The following MRI1 variants were observed in gnomAD, a reference collection of about 807,000 sequenced individuals.
MRI1 encodes methylthioribose-1-phosphate isomerase.
In MRI1, 32 loss-of-function variants were observed where a neutral mutation model predicts 27.3. The observed-to-expected ratio is 1.17, with a 90% CI of 0.88 to 1.57. The LOEUF is 1.57. MRI1 is among the 40% of genes most tolerant of loss of function. MRI1 has a pLI of 0.00. For missense variants in MRI1, 508 were observed against 516.1 expected, an observed-to-expected ratio of 0.98 and a Z score of 0.15; for synonymous variants, 216 against 227.4, an observed-to-expected ratio of 0.95 and a Z score of 0.45.
chr19:13,764,575 T>C lies in MRI1; in HGVS notation c.-14T>C, dbSNP rs767191030. 2.5e-6 allele frequency: 4 copies of C among 1,605,792 alleles called. No individual in the cohort carries two copies. The African/African-American group carries it at 5.4e-5, about 21-fold the overall frequency. On this transcript the variant is annotated 5_prime_UTR_variant, in exon 1 of 6. Coordinates refer to ENST00000040663, the MANE Select transcript of MRI1 (RefSeq NM_001031727.4). ...TAGCTCCCTCTGAGTTGCGCTGGGCTTGGCTGCTGCACCATGACCCTGGAG... is the reference window on the plus strand; with the variant it reads ...TAGCTCCCTCTGAGTTGCGCTGGGCCTGGCTGCTGCACCATGACCCTGGAG...
chr19:13,769,953 T>G (rs765619437), intron 5 of MRI1, among the ~76,000 whole-genome samples: 2 of 151,918 alleles, frequency 1.3e-5, no homozygotes, highest in Non-Finnish European at 2.9e-5. Context: ...GCAAGATATT[T>G]CTACACTTAT....
In MRI1 at chr19:13,764,608, G is replaced by T. The variant is rs146938415; in HGVS notation, c.20G>T (p.Arg7Leu). 60 of 1,609,280 alleles carry T rather than the reference G, an allele frequency of 3.7e-5. No individual in the cohort carries two copies. Among genetic ancestry groups the T allele is most frequent in the Non-Finnish European group, 4.8e-5 (57 of 1,179,156 alleles). Residue 7 changes from arginine (R) to leucine (L), a missense_variant, in exon 1 of 6, where the codon CGC becomes CTC. This residue lies in a region of MRI1 where 32 missense variants were observed against 20.2 expected (regional missense o/e 1.58). Coordinates refer to ENST00000040663, the MANE Select transcript of MRI1 (RefSeq NM_001031727.4). MTLEAI[R>L]YSRGSLQILD... ...TGCACCATGACCCTGGAGGCGATCC[G>T]CTACTCGCGGGGCTCCCTGCAGATC... is the stretch of plus-strand genomic sequence containing the variant.
At position 13,772,853 on chromosome 19, in the gene MRI1, TTTAA is replaced by T. The variant is rs1974298841; in HGVS notation, c.*577_*580del. On this transcript the variant is annotated 3_prime_UTR_variant, in exon 6 of 6. Coordinates refer to ENST00000040663, the MANE Select transcript of MRI1 (RefSeq NM_001031727.4). Reference sequence around the variant, plus strand: ...AAAAATAAATATAATTAATTAATTATTTAATTAAAAAAATAAAAAATAAATGTGG... The same window carrying T: ...AAAAATAAATATAATTAATTAATTATTTAAAAAAATAAAAAATAAATGTGG... The T allele has an allele frequency of 6.6e-6, 1 of 151,420 alleles. No individual in the cohort carries two copies. The highest frequency in any genetic ancestry group is 2.4e-5 in the African/African-American group (1 of 41,120). 9.4% of individuals were successfully genotyped at this position (151,420 alleles called of 1,614,324 possible). A position where few individuals can be genotyped will look rare whatever the true frequency, so the allele number is the denominator to read the frequency against.
Position 13,769,031 on chromosome 19 carries a change from T to C in MRI1, c.932T>C (p.Val311Ala), listed in dbSNP as rs769135514. 3 of 1,609,990 alleles carry C rather than the reference T, an allele frequency of 1.9e-6. No homozygotes were observed. The highest frequency in any genetic ancestry group is 2.7e-5 in the African/African-American group (2 of 74,854). Reference protein sequence around the residue: ...PGQELTDVNGVRIAAPGIGVW... With the variant: ...PGQELTDVNGARIAAPGIGVW... ...CAGGAGCTGACCGATGTTAATGGGG[T>C]CCGGATTGCAGCACCTGGTAAGCTG... Residue 311 changes from valine to alanine, a missense_variant, in exon 5 of 6, where the codon GTC becomes GCC. Physicochemically the swap from Val to Ala is moderately conservative, Grantham distance 64. Coordinates refer to ENST00000040663, the MANE Select transcript of MRI1 (RefSeq NM_001031727.4).
rs927281454 is a variant in MRI1 at position 13,766,938 on chromosome 19, C to T, written c.547+809C>T. Among the ~76,000 whole-genome samples the T allele has an allele frequency of 2.0e-5, 3 of 147,584 alleles. No homozygotes were observed. In the South Asian group the frequency reaches 6.4e-4, roughly 31 times the overall value. On this transcript the variant is annotated intron_variant, in intron 3 of 5. Transcript: ENST00000040663. Reference sequence around the variant, plus strand: ...CTGGTTCCAGGACCTCCCACAGATACCAAAATCCATGGATGCTCAAGTCTC... The same window carrying T: ...CTGGTTCCAGGACCTCCCACAGATATCAAAATCCATGGATGCTCAAGTCTC...
At chr19:13,765,633 C>G (rs974717714) in intron 2 of MRI1, among the ~76,000 whole-genome samples, 20 of 152,232 alleles carry the variant, frequency 1.3e-4, no homozygotes, top group Non-Finnish European at 2.8e-4. Flanking sequence ...ACCCGCTGCT[C>G]TCTGTTGCCT....
intron 5 of MRI1, among the ~76,000 whole-genome samples, chr19:13,771,320 T>C (rs562899126): frequency 4.1e-5 from 6 of 147,362 alleles, no homozygotes; most frequent in Admixed American, 7.0e-5. Flanking sequence ...TGAGTTGAGA[T>C]CATGTCACTG....
intron 5 of MRI1, among the ~76,000 whole-genome samples, chr19:13,770,213 G>T (rs1599556915): frequency 6.6e-6 from 1 of 152,138 alleles, no homozygotes; most frequent in East Asian, 1.9e-4. Context: ...ATGGGCTATG[G>T]CTAGAACCTG....
intron 3 of MRI1, among the ~76,000 whole-genome samples, chr19:13,767,027 A>G (rs200558425): frequency 5.7e-5 from 1 of 17,536 alleles, no homozygotes; most frequent in Non-Finnish European, 1.3e-4. Flanking sequence ...ATATATATAT[A>G]TATATATATA....
At position 13,768,601 on chromosome 19, in the gene MRI1, T is replaced by C. The variant is rs764245381; in HGVS notation, c.588T>C (p.His196=). ...TGCACAGCCTGGGCCGCCTGGAGCA[T>C]GCCTTCTGCACAGAGACCCGGCCCT... ...RSLHSLGRLE[H]AFCTETRPYN... is the part of the protein sequence containing the mutation. Residue 196 remains histidine (H), a synonymous_variant, in exon 4 of 6, where the codon CAT becomes CAC. Transcript: ENST00000040663. 1.2e-6 allele frequency: 2 copies of C among 1,612,154 alleles called. No homozygotes were observed. Among genetic ancestry groups the C allele is most frequent in the South Asian group, 2.2e-5 (2 of 90,836 alleles).
chr19:13,774,168 CA>C lies in MRI1; in HGVS notation c.*1888del. On this transcript the variant is annotated 3_prime_UTR_variant, in exon 6 of 6. Coordinates refer to ENST00000040663, the MANE Select transcript of MRI1 (RefSeq NM_001031727.4). ...TTTTGAACCTTCTTAAATTCTGTAC[CA>C]GAGGTGAGTGCCACACCCTAACCTA... 3.4e-6 allele frequency: 1 copy of C among 293,436 alleles called. No homozygotes were observed. Among genetic ancestry groups the C allele is most frequent in the Non-Finnish European group, 6.3e-6 (1 of 158,978 alleles). 18.2% of individuals were successfully genotyped at this position (293,436 alleles called of 1,614,324 possible).
rs960950515 is a variant in MRI1 at position 13,773,358 on chromosome 19, G to A, written c.*1077G>A. Reference sequence around the variant, plus strand: ...AAATTAATGCAAAAATCCATGATGAGGCCAGGCTTGGTGGCTCATGCCTGT... The same window carrying A: ...AAATTAATGCAAAAATCCATGATGAAGCCAGGCTTGGTGGCTCATGCCTGT... On this transcript the variant is annotated 3_prime_UTR_variant, in exon 6 of 6. Coordinates refer to ENST00000040663, the MANE Select transcript of MRI1 (RefSeq NM_001031727.4). The A allele has an allele frequency of 6.6e-6, 1 of 150,754 alleles. No homozygotes were observed. The highest frequency in any genetic ancestry group is 1.5e-5 in the Non-Finnish European group (1 of 67,464). The allele number at this position is 150,754 out of a possible 1,614,324, so 9.3% of individuals were successfully genotyped here. A position where few individuals can be genotyped will look rare whatever the true frequency, so the allele number is the denominator to read the frequency against.
rs375787163 is a variant in MRI1 at position 13,768,435 on chromosome 19, G to A, written c.548-126G>A. 102 of 1,556,096 alleles carry A rather than the reference G, an allele frequency of 6.6e-5. 1 individual carries two copies. Among genetic ancestry groups the A allele is most frequent in the African/African-American group, 4.9e-4 (36 of 73,274 alleles). ...ACTGCCACTGCGAGGGCCCCTGGGC[G>A]GGACTGTGCTCGGTAAGCCTTTGGC... On this transcript the variant is annotated intron_variant, in intron 3 of 5. Transcript: ENST00000040663.
intron 3 of MRI1, among the ~76,000 whole-genome samples, chr19:13,767,066 T>C (rs1321392124): frequency 8.2e-6 from 1 of 121,704 alleles, no homozygotes; most frequent in East Asian, 2.6e-4. Flanking sequence ...TTTTTTTTTT[T>C]GAGACAGAGT....
chr19:13,765,053 T>A lies in MRI1; in HGVS notation c.315T>A (p.Asp105Glu). 1 of 1,523,704 alleles carries A rather than the reference T, an allele frequency of 6.6e-7. No individual in the cohort carries two copies. Among genetic ancestry groups the A allele is most frequent in the Non-Finnish European group, 8.8e-7 (1 of 1,140,426 alleles). 94.4% of individuals were successfully genotyped at this position (1,523,704 alleles called of 1,614,324 possible). A position where few individuals can be genotyped will look rare whatever the true frequency, so the allele number is the denominator to read the frequency against. Residue 105 changes from aspartate (D) to glutamate (E), a missense_variant, in exon 2 of 6, where the codon GAT (aspartate) becomes GAA (glutamate). Physicochemically the swap from Asp to Glu is conservative, Grantham distance 45. Transcript: ENST00000040663. Reference sequence around the variant, plus strand: ...CCCGCGCCGCCCGCGACCTGGCTGATGTTGCAGCCCGGGAGGCCGAACGGG... The same window carrying A: ...CCCGCGCCGCCCGCGACCTGGCTGAAGTTGCAGCCCGGGAGGCCGAACGGG... ...NMARAARDLADVAAREAEREG... is the reference protein window; with the variant it reads ...NMARAARDLAEVAAREAEREG...
intron 3 of MRI1, 100 bp downstream of exon 3, chr19:13,766,229 A>T: frequency 8.5e-7 from 1 of 1,182,278 alleles, no homozygotes. Flanking sequence ...CCACAAAAAA[A>T]ATGGGAAGGT....
intron 3 of MRI1, chr19:13,768,336 C>G (rs796672268): frequency 8.4e-7 from 1 of 1,184,318 alleles, no homozygotes; most frequent in Admixed American, 2.0e-5. Context: ...GAAGGCTTCA[C>G]CGAGAAGGTG....
rs772283715 is a variant in MRI1 at position 13,764,544 on chromosome 19, G to A, written c.-45G>A. On this transcript the variant is annotated 5_prime_UTR_variant, in exon 1 of 6. Transcript: ENST00000040663. ...CCCGCCCCGCTCCCAAGTGCGCGCG[G>A]ACCCCTAGCTCCCTCTGAGTTGCGC... 1.3e-6 allele frequency: 2 copies of A among 1,592,686 alleles called. No individual in the cohort carries two copies. Among genetic ancestry groups the A allele is most frequent in the Non-Finnish European group, 1.7e-6 (2 of 1,170,910 alleles).
In MRI1 at chr19:13,764,999, C is replaced by T. The variant is rs1175572007; in HGVS notation, c.261C>T (p.Val87=). 1.3e-6 allele frequency: 2 copies of T among 1,522,684 alleles called. No individual in the cohort carries two copies. The highest frequency in any genetic ancestry group is 2.6e-5 in the East Asian group (1 of 38,926). The allele number at this position is 1,522,684 out of a possible 1,614,324, so 94.3% of individuals were successfully genotyped here. A position where few individuals can be genotyped will look rare whatever the true frequency, so the allele number is the denominator to read the frequency against. The change falls in exon 2 of 6, where the codon GTC becomes GTT. Residue 87 remains valine (V), a synonymous_variant. Transcript: ENST00000040663. ...AFVRDKLSFL[V]TARPTAVNMA... is the part of the protein sequence containing the mutation. ...TGCGCGACAAGCTGAGCTTCCTCGT[C>T]ACCGCCCGGCCCACCGCTGTCAACA...
Sources: allele counts gnomAD v4.1 joint callset (sites outside exome capture counted in the v4.1 genomes callset), GRCh38; gene constraint gnomAD v4.1.1; regional missense constraint gnomAD v4.1.1; transcripts MANE v1.5; gene names NCBI Gene and HGNC (gene_info 2026-07-23, HGNC 2026-07-21).